AUTS2: variants seen among roughly 807,000 people sequenced by gnomAD.
The protein encoded by AUTS2 is autism susceptibility gene 2 protein.
Under a neutral mutation model 112.4 loss-of-function variants are expected in AUTS2, and 17 were observed. The observed-to-expected ratio is 0.15, with a 90% CI of 0.10 to 0.23. The LOEUF (loss-of-function observed/expected upper bound fraction) is 0.23. Ranked by LOEUF, AUTS2 falls within the 10% of genes least tolerant of loss-of-function variation. The pLI is 1.00. For missense variants in AUTS2, 1,510 were observed against 1,701.6 expected (o/e 0.89, Z 1.98); for synonymous variants, 751 against 702.7 (o/e 1.07, Z -1.09).
chr7:70,775,569 G>A (rs1294585080), intron 13 of AUTS2, among the ~76,000 whole-genome samples, 183 bp downstream of exon 13: 1 of 148,200 alleles, frequency 6.7e-6, no homozygotes, highest in South Asian at 2.1e-4. Context: ...TTTGACCGTT[G>A]GAGGCCATTG....
intron 2 of AUTS2, among the ~76,000 whole-genome samples, chr7:70,045,573 T>G (rs1044868027): frequency 5.3e-5 from 8 of 151,204 alleles, no homozygotes; most frequent in Admixed American, 6.6e-5. Flanking sequence ...TGACTCACAT[T>G]TGCAACTCAC....
chr7:70,444,746 T>C (rs1016586007), intron 5 of AUTS2, among the ~76,000 whole-genome samples: 29 of 152,104 alleles, frequency 1.9e-4, no homozygotes, highest in African/African-American at 6.8e-4. Flanking sequence ...GGAAGCAGCT[T>C]TCTCCCTTGT....
chr7:69,989,497 G>C (rs575778186), intron 2 of AUTS2, among the ~76,000 whole-genome samples: 1 of 151,338 alleles, frequency 6.6e-6, no homozygotes, highest in Non-Finnish European at 1.5e-5. Flanking sequence ...TAAGAGTTAC[G>C]TAATAAATAT....
At chr7:70,231,815 C>A (rs1015139211) in intron 4 of AUTS2, among the ~76,000 whole-genome samples, 3 of 151,096 alleles carry the variant, frequency 2.0e-5, no homozygotes, top group Admixed American at 2.0e-4. Context: ...TGCTCTGTAG[C>A]CAGGCTGGAG....
chr7:69,902,027 G>C (rs1794988756), intron 2 of AUTS2, among the ~76,000 whole-genome samples: 1 of 152,098 alleles, frequency 6.6e-6, no homozygotes, highest in South Asian at 2.1e-4. Flanking sequence ...TTTGGAGTCA[G>C]TCTGTAACTG....
intron 1 of AUTS2, among the ~76,000 whole-genome samples, chr7:69,707,144 C>T (rs1798095533): frequency 1.3e-5 from 2 of 152,138 alleles, no homozygotes; most frequent in Non-Finnish European, 2.9e-5. Context: ...CAAGATTTTT[C>T]TGTTTCCTTC....
At chr7:69,912,202 T>TCCAGGTATGGGGAGAAG (rs1341398931) in intron 2 of AUTS2, among the ~76,000 whole-genome samples, 1 of 152,182 alleles carries the variant, frequency 6.6e-6, no homozygotes, top group Non-Finnish European at 1.5e-5. Flanking sequence ...CAGAGTGGGC[T>TCCAGGTATGGGGAGAAG]CCAGGTATGG....
chr7:70,318,131 G>A (rs949466422), intron 4 of AUTS2, among the ~76,000 whole-genome samples: 16 of 152,218 alleles, frequency 1.1e-4, no homozygotes, highest in African/African-American at 2.9e-4. Flanking sequence ...TGCATGTCAC[G>A]TAGAGATTTT....
At chr7:70,266,840 T>A (rs1235184837) in intron 4 of AUTS2, among the ~76,000 whole-genome samples, 1 of 152,100 alleles carries the variant, frequency 6.6e-6, no homozygotes, top group African/African-American at 2.4e-5. Flanking sequence ...ATGTTTGGTA[T>A]TTTTTTTCCT....
intron 2 of AUTS2, among the ~76,000 whole-genome samples, chr7:70,100,755 C>G (rs565065086): frequency 6.6e-6 from 1 of 152,044 alleles, no homozygotes; most frequent in Non-Finnish European, 1.5e-5. Flanking sequence ...GGCCAAAGGT[C>G]CATTGCTAAG....
intron 2 of AUTS2, among the ~76,000 whole-genome samples, chr7:70,090,742 G>C (rs1284165870): frequency 6.8e-6 from 1 of 147,302 alleles, no homozygotes; most frequent in African/African-American, 2.5e-5. Flanking sequence ...GTAGTGGCAT[G>C]ATCTCAGCTC....
intron 2 of AUTS2, among the ~76,000 whole-genome samples, chr7:69,921,120 T>C (rs1795792053): frequency 6.6e-6 from 1 of 152,136 alleles, no homozygotes; most frequent in Non-Finnish European, 1.5e-5. Flanking sequence ...AGTTGTGTGG[T>C]TTGTTTTCTT....
At chr7:70,773,962 A>C in intron 11 of AUTS2, 66 bp from the exon 12 acceptor site, 4 of 1,433,868 alleles carry the variant, frequency 2.8e-6, no homozygotes, top group Non-Finnish European at 2.9e-6. Flanking sequence ...GCAGAAGGGA[A>C]GGATCTTGCT....
At chr7:70,218,727 A>C (rs1811305829) in intron 4 of AUTS2, among the ~76,000 whole-genome samples, 1 of 152,166 alleles carries the variant, frequency 6.6e-6, no homozygotes, top group South Asian at 2.1e-4. Flanking sequence ...CATGGCACCT[A>C]CTTTCTTCAT....
intron 4 of AUTS2, among the ~76,000 whole-genome samples, chr7:70,409,518 G>T (rs1398065376): frequency 1.3e-5 from 2 of 152,090 alleles, no homozygotes; most frequent in African/African-American, 2.4e-5. Context: ...CATGTGTGTA[G>T]GTGTGCATTC....
chr7:70,173,237 G>A (rs1808798425), intron 4 of AUTS2, among the ~76,000 whole-genome samples: 1 of 151,974 alleles, frequency 6.6e-6, no homozygotes, highest in South Asian at 2.1e-4. Context: ...AATTAGCCAG[G>A]TATGGTGGTG....
chr7:69,799,721 G>T (rs1789998675), intron 1 of AUTS2, among the ~76,000 whole-genome samples: 1 of 152,076 alleles, frequency 6.6e-6, no homozygotes. Context: ...TTTTTGATTT[G>T]TAAATCCAAA....
At chr7:69,619,948 A>T (rs1793581326) in intron 1 of AUTS2, among the ~76,000 whole-genome samples, 1 of 152,084 alleles carries the variant, frequency 6.6e-6, no homozygotes, top group Non-Finnish European at 1.5e-5. Flanking sequence ...GCAGGTAGGG[A>T]AGTGTTTTGC....
chr7:69,875,636 A>G (rs1420599054), intron 1 of AUTS2, among the ~76,000 whole-genome samples: 3 of 152,234 alleles, frequency 2.0e-5, no homozygotes, highest in African/African-American at 7.2e-5. Context: ...GTTCATGTGT[A>G]GAAAATGTTG....
Sources: gnomAD v4.1 joint callset for allele counts (sites outside exome capture counted in the v4.1 genomes callset) on GRCh38, gnomAD v4.1.1 for gene constraint, MANE v1.5 for transcripts, NCBI Gene and HGNC (gene_info 2026-07-23, HGNC 2026-07-21) for gene names.